The following GIGYF1 variants were observed in gnomAD, a reference collection of about 807,000 sequenced individuals.
GIGYF1 encodes the protein GRB10 interacting GYF protein 1, also known as GRB10-interacting GYF protein 1.
In GIGYF1, 84 loss-of-function variants were observed where a neutral mutation model predicts 147.1. The ratio of observed to expected loss-of-function variants is 0.57; its 90% confidence interval spans 0.48 to 0.68. GIGYF1 has a LOEUF of 0.68. Ranked by LOEUF, GIGYF1 falls within the 30% of genes least tolerant of loss-of-function variation. The probability of loss-of-function intolerance (pLI) is 0.00; values close to 1 mark genes in which losing one functional copy is unlikely to be tolerated. For synonymous variants in GIGYF1, 752 were observed against 589.5 expected (o/e 1.28, Z -3.99); for missense variants, 1,485 against 1,393.7 (o/e 1.07, Z -1.04).
chr7:100,694,052 C>CGGGCCTGCCCCGGGGCT (rs1806050357), intron 1 of GIGYF1, 58 bp downstream of exon 1: 1 of 144,736 alleles, frequency 6.9e-6, no homozygotes, highest in African/African-American at 2.5e-5. Context: ...GCGTCGGGGG[C>CGGGCCTGCCCCGGGGCT]GGGCCTGCCC....
At position 100,687,981 on chromosome 7, in the gene GIGYF1, C is replaced by A; in HGVS notation, c.165G>T (p.Lys55Asn). Residue 55 changes from lysine to asparagine, a missense_variant and splice_region_variant, in exon 5 of 27, where the codon AAG becomes AAT. By Grantham distance (94) the Lys-to-Asn change is moderately conservative. Coordinates refer to ENST00000678049, the MANE Select transcript of GIGYF1 (RefSeq NM_001375765.1). Reference protein sequence around the residue: ...EMLALYVKENKVPEELQDKEF... With the variant: ...EMLALYVKENNVPEELQDKEF... The stretch of plus-strand genomic sequence containing the variant: ...CAACCCCCCTCGCCCACGCACCCAC[C>A]TTGTTCTCCTTGACGTAGAGAGCCA... 6.2e-7 allele frequency: 1 copy of A among 1,612,118 alleles called. No homozygotes were observed. Among genetic ancestry groups the A allele is most frequent in the Non-Finnish European group, 8.5e-7 (1 of 1,178,690 alleles).
chr7:100,690,821 C>T (rs1417250032), intron 1 of GIGYF1, among the ~76,000 whole-genome samples: 3 of 151,030 alleles, frequency 2.0e-5, no homozygotes, highest in African/African-American at 4.9e-5. Flanking sequence ...GATGGCCTCA[C>T]ACTGCCCCCT....
Position 100,682,454 on chromosome 7 carries a change from G to A in GIGYF1, c.2629C>T (p.Pro877Ser), listed in dbSNP as rs1804873571. The change falls in exon 24 of 27, where the codon CCC (proline) becomes TCC (serine). Residue 877 changes from proline to serine, a missense_variant. Coordinates refer to ENST00000678049, the MANE Select transcript of GIGYF1 (RefSeq NM_001375765.1). ...TCTTCCTCCGTCTTTTTGCGAATGGGCCGACCCGATAGGTGGCTGTATGAG... is the reference window on the plus strand; with the variant it reads ...TCTTCCTCCGTCTTTTTGCGAATGGACCGACCCGATAGGTGGCTGTATGAG... Reference protein sequence around the residue: ...SDSYSHLSGRPIRKKTEEEEK... With the variant: ...SDSYSHLSGRSIRKKTEEEEK... 1.2e-6 allele frequency: 2 copies of A among 1,613,116 alleles called. No homozygotes were observed. The highest frequency in any genetic ancestry group is 1.7e-6 in the Non-Finnish European group (2 of 1,179,984).
At chr7:100,685,580 C>G (rs1805245254) in intron 12 of GIGYF1, 99 bp from the exon 13 acceptor site, 2 of 1,347,990 alleles carry the variant, frequency 1.5e-6, no homozygotes, top group Admixed American at 4.9e-5. Flanking sequence ...GGGTCACACT[C>G]CCTTAGGCCG....
At chr7:100,688,425 G>A (rs1293592828) in intron 3 of GIGYF1, 26 bp downstream of exon 3, 2 of 698,886 alleles carry the variant, frequency 2.9e-6, no homozygotes, top group South Asian at 3.1e-5. Context: ...TAGCTGGTGG[G>A]TCACCTGGGG....
intron 19 of GIGYF1, 62 bp downstream of exon 19, chr7:100,683,756 G>T: frequency 6.4e-7 from 1 of 1,555,036 alleles, no homozygotes; most frequent in South Asian, 1.1e-5. Context: ...GTGGGGAGCA[G>T]ACCCCAGACC....
intron 1 of GIGYF1, among the ~76,000 whole-genome samples, chr7:100,691,203 G>C (rs1029990535): frequency 6.6e-6 from 1 of 152,228 alleles, no homozygotes; most frequent in Admixed American, 6.5e-5. Context: ...GGGGCTCTTG[G>C]CCAAGTCTAG....
At position 100,681,718 on chromosome 7, in the gene GIGYF1, G is replaced by C; in HGVS notation, c.*1C>G. 16 of 1,564,896 alleles carry C rather than the reference G, an allele frequency of 1.0e-5. No individual in the cohort carries two copies. Among genetic ancestry groups the C allele is most frequent in the Non-Finnish European group, 1.4e-5 (16 of 1,155,214 alleles). On this transcript the variant is annotated 3_prime_UTR_variant, in exon 27 of 27. Transcript: ENST00000678049. ...GCCCAGGGGCTGGGGGTCCGGGCTG[G>C]TCAGTAGTCATCCACGCTCTCGATC...
At chr7:100,686,627 T>G in intron 10 of GIGYF1, 22 bp downstream of exon 10, 1 of 1,597,522 alleles carries the variant, frequency 6.3e-7, no homozygotes, top group Non-Finnish European at 8.5e-7. Context: ...CCCCCGCCAA[T>G]GCTACCAGGC....
chr7:100,681,506 A>T lies in GIGYF1; in HGVS notation c.*213T>A, dbSNP rs1422842114. On this transcript the variant is annotated 3_prime_UTR_variant, in exon 27 of 27. Transcript: ENST00000678049. The stretch of plus-strand genomic sequence containing the variant: ...TGTTTTCTTCAGTCGTTTAAAATTA[A>T]AAAAAAAAATAAAAAGAAAAACCCC... 9 of 169,980 alleles carry T rather than the reference A, an allele frequency of 5.3e-5. No homozygotes were observed. The African/African-American group carries it at 8.3e-4, about 16-fold the overall frequency. The allele number at this position is 169,980 out of a possible 1,614,324, so 10.5% of individuals were successfully genotyped here.
rs756070725 is a variant in GIGYF1 at position 100,686,005 on chromosome 7, G to A, written c.1023C>T (p.Ser341=). ...FQGLEEEEEP[S]EGLEEEGPEA... Reference sequence around the variant, plus strand: ...CAGGCCCTTCCTCCTCTAGCCCTTCGGAAGGTTCCTCCTCCTCCTCCAACC... The same window carrying A: ...CAGGCCCTTCCTCCTCTAGCCCTTCAGAAGGTTCCTCCTCCTCCTCCAACC... Residue 341 remains serine, a synonymous_variant, in exon 12 of 27, where the codon TCC becomes TCT. Transcript: ENST00000678049. The A allele has an allele frequency of 1.2e-5, 20 of 1,612,698 alleles. No individual in the cohort carries two copies. The East Asian group carries it at 1.6e-4, about 13-fold the overall frequency.
At chr7:100,691,480 G>A (rs747381677) in intron 1 of GIGYF1, among the ~76,000 whole-genome samples, 1 of 149,588 alleles carries the variant, frequency 6.7e-6, no homozygotes, top group African/African-American at 2.5e-5. Context: ...AATCCTGCCA[G>A]GAGAAAATCT....
rs1804555715 is a variant in GIGYF1, at chr7:100,679,821, G to C, written c.*1898C>G. 1 of 152,562 alleles carries C rather than the reference G, an allele frequency of 6.6e-6. No homozygotes were observed. The highest frequency in any genetic ancestry group is 1.5e-5 in the Non-Finnish European group (1 of 68,046). The allele number at this position is 152,562 out of a possible 1,614,324, so 9.5% of individuals were successfully genotyped here. A position where few individuals can be genotyped will look rare whatever the true frequency, so the allele number is the denominator to read the frequency against. ...GGGCTCCCCCTATACTTCCTCACAG[G>C]GTTAAGGCCTCTCCAGGCTCATGGG... On this transcript the variant is annotated 3_prime_UTR_variant, in exon 27 of 27. Transcript: ENST00000678049.
Position 100,683,460 on chromosome 7 carries a change from C to T in GIGYF1, c.2053-16G>A. 2 of 1,614,168 alleles carry T rather than the reference C, an allele frequency of 1.2e-6. No individual in the cohort carries two copies. Among genetic ancestry groups the T allele is most frequent in the Non-Finnish European group, 8.5e-7 (1 of 1,180,008 alleles). ...GCTCCTGGAACTGAGACCAGTGGCC[C>T]ATCAGAGGGGAGAGCTGCAGGGGAC... On this transcript the variant is annotated splice_polypyrimidine_tract_variant and intron_variant, in intron 20 of 26. Coordinates refer to ENST00000678049, the MANE Select transcript of GIGYF1 (RefSeq NM_001375765.1).
intron 6 of GIGYF1, 36 bp from the exon 7 acceptor site, chr7:100,687,652 G>T: frequency 6.5e-7 from 1 of 1,547,910 alleles, no homozygotes; most frequent in Non-Finnish European, 8.8e-7. Flanking sequence ...TGAGGACCCA[G>T]GCACCCAACC....
rs751951469 is a variant in GIGYF1, at chr7:100,682,071, C to CCTGCTGCTG, written c.2917_2925dup (p.Gln973_Gln975dup). 6.2e-7 allele frequency: 1 copy of CCTGCTGCTG among 1,612,548 alleles called. No homozygotes were observed. Among genetic ancestry groups the CCTGCTGCTG allele is most frequent in the Admixed American group, 1.7e-5 (1 of 59,984 alleles). ...CCAGCTGCTGGTGCCGGCTGCCTCA[C>CCTGCTGCTG]CTGCTGCTGCTGCCGCTGCTGGCTG... On this transcript the variant is annotated inframe_insertion and splice_region_variant. Coordinates refer to ENST00000678049, the MANE Select transcript of GIGYF1 (RefSeq NM_001375765.1).
intron 18 of GIGYF1, 45 bp downstream of exon 18, chr7:100,683,975 T>TA: frequency 4.8e-6 from 4 of 825,814 alleles, no homozygotes; most frequent in Non-Finnish European, 5.7e-6. Context: ...TCTGCCCCCA[T>TA]CCCCCCCCCA....
rs758469344 is a variant in GIGYF1, at chr7:100,683,804, G to C, written c.1969+14C>G. 1 of 1,577,290 alleles carries C rather than the reference G, an allele frequency of 6.3e-7. No individual in the cohort carries two copies. Among genetic ancestry groups the C allele is most frequent in the Middle Eastern group, 1.7e-4 (1 of 5,964 alleles). ...GAGACTGCCTTGGGGGTGGGGACCA[G>C]TCAGGCCACACACCTGACTGTGATG... is the stretch of plus-strand genomic sequence containing the variant. On this transcript the variant is annotated intron_variant, in intron 19 of 26. Coordinates refer to ENST00000678049, the MANE Select transcript of GIGYF1 (RefSeq NM_001375765.1).
chr7:100,687,799 C>T lies in GIGYF1; in HGVS notation c.250G>A (p.Glu84Lys). The T allele has an allele frequency of 6.2e-7, 1 of 1,612,608 alleles. No homozygotes were observed. Among genetic ancestry groups the T allele is most frequent in the South Asian group, 1.1e-5 (1 of 91,050 alleles). Residue 84 changes from glutamate to lysine, a missense_variant, in exon 6 of 27, where the codon GAG becomes AAG. Transcript: ENST00000678049. ...TGGCCCGGTCCCACCTGTTCCTCCT[C>T]AGTCAGCGGCTCCAGAGCCAGGGGC... The part of the protein sequence containing the change: ...LQPLALEPLT[E>K]EEQRNFSLSV...
Sources: allele counts gnomAD v4.1 joint callset (sites outside exome capture counted in the v4.1 genomes callset), GRCh38; gene constraint gnomAD v4.1.1; transcripts MANE v1.5; gene names NCBI Gene and HGNC (gene_info 2026-07-23, HGNC 2026-07-21).